Variants in NUDCD1 observed in about 807,000 individuals in gnomAD.
NUDCD1 encodes NudC domain containing 1, also known as nudC domain-containing protein 1.
Under a neutral mutation model 67.8 loss-of-function variants are expected in NUDCD1, and 60 were observed. That is an observed-to-expected ratio of 0.88 (90% CI 0.72 to 1.10). The LOEUF (loss-of-function observed/expected upper bound fraction) is 1.10, where lower values mean the gene tolerates loss of function less well. NUDCD1 is among the 50% of genes least tolerant of loss of function. The pLI, the probability that NUDCD1 is intolerant of heterozygous loss-of-function variation, is 0.00. For missense variants in NUDCD1, 643 were observed against 695.0 expected (o/e 0.93, Z 0.84); for synonymous variants, 244 against 230.8 (o/e 1.06, Z -0.52).
At position 109,270,081 on chromosome 8, in the gene NUDCD1, G is replaced by A. The variant is rs1351801257; in HGVS notation, c.1299+924C>T. Among the ~76,000 whole-genome samples the A allele has an allele frequency of 1.3e-3, 41 of 31,782 alleles. 1 individual carries two copies. Among genetic ancestry groups the A allele is most frequent in the Non-Finnish European group, 1.6e-3 (22 of 13,936 alleles). The allele number at this position is 31,782 out of a possible 152,430, so 20.9% of individuals were successfully genotyped here. A position where few individuals can be genotyped will look rare whatever the true frequency, so the allele number is the denominator to read the frequency against. On this transcript the variant is annotated intron_variant, in intron 8 of 9. Coordinates refer to ENST00000239690, the MANE Select transcript of NUDCD1 (RefSeq NM_032869.4). ...GGTGGCGGGGGCGGGGGGGGGGGGG[G>A]GTGCCTTAAGGTGGGGTGTGAAATA...
At chr8:109,281,684 T>G (rs796982885) in intron 5 of NUDCD1, among the ~76,000 whole-genome samples, 7 of 152,330 alleles carry the variant, frequency 4.6e-5, no homozygotes, top group African/African-American at 1.7e-4. Context: ...CAACCCTTCC[T>G]GTGCATACAT....
chr8:109,258,302 G>A (rs78657969), intron 8 of NUDCD1, among the ~76,000 whole-genome samples: 3,554 of 152,056 alleles, frequency 0.023, 149 homozygotes, highest in African/African-American at 0.082. Context: ...GCACTGCTAT[G>A]TCACCCTTGT....
intron 1 of NUDCD1, 30 bp downstream of exon 1, chr8:109,333,863 C>A: frequency 1.9e-6 from 3 of 1,611,806 alleles, no homozygotes; most frequent in Non-Finnish European, 2.5e-6. Context: ...GGGAAAGGAA[C>A]GGAGTACGAA....
rs945627918 is a variant in NUDCD1 at position 109,333,989 on chromosome 8, A to G, written c.22T>C (p.Ser8Pro). The G allele has an allele frequency of 3.1e-6, 5 of 1,614,140 alleles. No homozygotes were observed. The South Asian group carries it at 4.4e-5, about 14-fold the overall frequency. Reference protein sequence around the residue: MEVAANCSLRVKRPLLDP... With the variant: MEVAANCPLRVKRPLLDP... ...AACAGAGGTCTCTTCACCCGTAGGG[A>G]GCAATTAGCCGCCACCTCCATCGCT... Residue 8 changes from serine to proline, a missense_variant, in exon 1 of 10, where the codon TCC becomes CCC. Ser to Pro is a moderately conservative substitution (Grantham distance 74). Coordinates refer to ENST00000239690, the MANE Select transcript of NUDCD1 (RefSeq NM_032869.4).
At chr8:109,264,847 C>T (rs188709953) in intron 8 of NUDCD1, among the ~76,000 whole-genome samples, 1 of 150,706 alleles carries the variant, frequency 6.6e-6, no homozygotes, top group Admixed American at 6.6e-5. Flanking sequence ...TGACATTCCT[C>T]CTACTTTTTT....
At chr8:109,279,195 A>C (rs1223727635) in intron 6 of NUDCD1, among the ~76,000 whole-genome samples, 1 of 152,204 alleles carries the variant, frequency 6.6e-6, no homozygotes, top group Non-Finnish European at 1.5e-5. Flanking sequence ...GAAACTGCTA[A>C]ACAGTCTGCC....
chr8:109,270,946 C>G, intron 8 of NUDCD1, 59 bp downstream of exon 8: 1 of 1,110,370 alleles, frequency 9.0e-7, no homozygotes, highest in South Asian at 1.5e-5. Context: ...ATATTTAGAC[C>G]AATCATTATC....
At chr8:109,325,274 G>A (rs571167017) in intron 1 of NUDCD1, among the ~76,000 whole-genome samples, 1 of 152,186 alleles carries the variant, frequency 6.6e-6, no homozygotes, top group East Asian at 1.9e-4. Flanking sequence ...TCTCATGTTT[G>A]ATAGCACAGT....
At chr8:109,255,510 A>G (rs982774968) in intron 8 of NUDCD1, among the ~76,000 whole-genome samples, 9 of 152,166 alleles carry the variant, frequency 5.9e-5, no homozygotes, top group Non-Finnish European at 1.0e-4. Flanking sequence ...ACTTAGAAAT[A>G]TTTTTTAAAA....
At chr8:109,251,178 TTTTC>T (rs1251886622) in intron 8 of NUDCD1, among the ~76,000 whole-genome samples, 1 of 127,802 alleles carries the variant, frequency 7.8e-6, no homozygotes, top group Non-Finnish European at 1.8e-5. Context: ...CTTTTTTTTT[TTTTC>T]TTTTTTTTTT....
chr8:109,291,483 T>C (rs1814711442), intron 4 of NUDCD1, among the ~76,000 whole-genome samples: 1 of 152,214 alleles, frequency 6.6e-6, no homozygotes. Flanking sequence ...AACTTTAATA[T>C]GCTTAATGTG....
intron 8 of NUDCD1, among the ~76,000 whole-genome samples, chr8:109,251,205 G>A (rs551643765): frequency 4.4e-5 from 6 of 135,680 alleles, no homozygotes; most frequent in South Asian, 2.3e-4. Context: ...AGAGAGTCTC[G>A]CTCTGTCGCC....
intron 1 of NUDCD1, 95 bp downstream of exon 1, chr8:109,333,798 T>C (rs1241551361): frequency 7.4e-7 from 1 of 1,360,214 alleles, no homozygotes; most frequent in East Asian, 2.4e-5. Context: ...TGGCTTCGCT[T>C]GCCAGTCAGA....
Position 109,296,445 on chromosome 8 carries a change from G to C in NUDCD1, c.398C>G (p.Thr133Ser). 1 of 1,613,552 alleles carries C rather than the reference G, an allele frequency of 6.2e-7. No homozygotes were observed. Among genetic ancestry groups the C allele is most frequent in the South Asian group, 1.1e-5 (1 of 90,988 alleles). ...TGTTCCAATGACATACAATCTTCCA[G>C]TTCCATCTGACAAGGTAACCCAGGT... ...SSTWVTLSDG[T>S]GRLYVIGTGE... Residue 133 changes from threonine (T) to serine (S), a missense_variant, in exon 3 of 10, where the codon ACT (threonine) becomes AGT (serine). Transcript: ENST00000239690.
chr8:109,266,303 G>A (rs2129932937), intron 8 of NUDCD1, among the ~76,000 whole-genome samples: 1 of 151,010 alleles, frequency 6.6e-6, no homozygotes, highest in South Asian at 2.1e-4. Flanking sequence ...TCGGCTCACT[G>A]CAAGCTCCGC....
intron 8 of NUDCD1, among the ~76,000 whole-genome samples, chr8:109,270,090 A>AGG (rs1563665962): frequency 9.2e-3 from 70 of 7,588 alleles, no homozygotes; most frequent in African/African-American, 0.027. Context: ...GGGTGCCTTA[A>AGG]GGTGGGGTGT....
At chr8:109,286,573 C>T (rs1255756017) in intron 5 of NUDCD1, among the ~76,000 whole-genome samples, 1 of 152,000 alleles carries the variant, frequency 6.6e-6, no homozygotes, top group Non-Finnish European at 1.5e-5. Context: ...AGCTGGCTAG[C>T]CATATGCAGA....
intron 2 of NUDCD1, among the ~76,000 whole-genome samples, chr8:109,319,143 T>A (rs1815473714): frequency 6.6e-6 from 1 of 151,932 alleles, no homozygotes; most frequent in South Asian, 2.1e-4. Flanking sequence ...CTGGCTAATT[T>A]TTTGTATTTT....
chr8:109,324,587 T>C (rs561073313), intron 1 of NUDCD1, among the ~76,000 whole-genome samples: 11 of 152,264 alleles, frequency 7.2e-5, no homozygotes, highest in African/African-American at 2.4e-4. Flanking sequence ...AAAGTCAGTA[T>C]ATCAAAAGGA....
Sources: allele counts gnomAD v4.1 joint callset (sites outside exome capture counted in the v4.1 genomes callset), GRCh38; gene constraint gnomAD v4.1.1; transcripts MANE v1.5; gene names NCBI Gene and HGNC (gene_info 2026-07-23, HGNC 2026-07-21).